Variants in CHD3 observed in about 807,000 individuals in gnomAD.
CHD3 encodes ATP-dependent chromatin remodeler CHD3.
Under a neutral mutation model 248.9 loss-of-function variants are expected in CHD3, and 52 were observed. That is an observed-to-expected ratio of 0.21 (90% CI 0.17 to 0.26). The LOEUF is 0.26. CHD3 is among the 10% of genes least tolerant of loss of function. The pLI, the probability that CHD3 is intolerant of heterozygous loss-of-function variation, is 1.00. For synonymous variants in CHD3, 985 were observed against 985.2 expected (o/e 1.00, Z 0.00); for missense variants, 1,482 against 2,605.8 (o/e 0.57, Z 9.39).
In CHD3 at chr17:7,894,942, C is replaced by T; in HGVS notation, c.1295C>T (p.Ala432Val). ...HCEKEGVQWEAKEEEEEYEEE... is the reference protein window; with the variant it reads ...HCEKEGVQWEVKEEEEEYEEE... ...GAGAAGGAGGGGGTCCAGTGGGAGG[C>T]CAAGGAGGAAGAAGAAGAATACGAA... Residue 432 changes from alanine to valine, a missense_variant, in exon 9 of 40, where the codon GCC becomes GTC. This residue lies in a region of CHD3 where 138 missense variants were observed against 241.1 expected (regional missense o/e 0.57). Transcript: ENST00000330494. 1 of 1,612,266 alleles carries T rather than the reference C, an allele frequency of 6.2e-7. No individual in the cohort carries two copies. The highest frequency in any genetic ancestry group is 8.5e-7 in the Non-Finnish European group (1 of 1,179,170).
At chr17:7,885,307 C>CCCGCCGCACCCCTCCCCCGCCG (rs1555603802), upstream of CHD3, 34 of 157,572 alleles carry the variant, frequency 2.2e-4, no homozygotes, top group Admixed American at 1.1e-3. Context: ...GCACCCCTCC[C>CCCGCCGCACCCCTCCCCCGCCG]CCGCCGCCGC....
intron 4 of CHD3, among the ~76,000 whole-genome samples, chr17:7,892,803 T>G (rs1372301203): frequency 3.3e-5 from 5 of 152,138 alleles, no homozygotes; most frequent in Admixed American, 2.6e-4. Flanking sequence ...CCTATTTCCC[T>G]TTTTTTAAAG....
Position 7,910,110 on chromosome 17 carries a change from G to A in CHD3, c.5591-318G>A, listed in dbSNP as rs534049500. On this transcript the variant is annotated intron_variant, in intron 37 of 39. Transcript: ENST00000330494. This position sits in a 1 kb window ranked among gnomAD's most constrained non-coding sequence, Gnocchi z 4.7. ...GTATGAGATGTTCTGACAACTCCCC[G>A]CCCCCATGTCTTCCAATGTCCCCCC... 13 of 202,470 alleles carry A rather than the reference G, an allele frequency of 6.4e-5. No homozygotes were observed. Among genetic ancestry groups the A allele is most frequent in the South Asian group, 4.6e-4 (5 of 10,960 alleles). The allele number at this position is 202,470 out of a possible 1,614,324, so 12.5% of individuals were successfully genotyped here.
rs938648226 is a variant in CHD3, at chr17:7,906,364, G to A, written c.4359-189G>A. On this transcript the variant is annotated intron_variant, in intron 28 of 39. Transcript: ENST00000330494. This position sits in a 1 kb window ranked among gnomAD's most constrained non-coding sequence, Gnocchi z 5.0. Reference sequence around the variant, plus strand: ...CAAGGCCAAAGGGAAAGACCCAGGGGTGGGGCGCAGGGGGACAGTTAGGAC... The same window carrying A: ...CAAGGCCAAAGGGAAAGACCCAGGGATGGGGCGCAGGGGGACAGTTAGGAC... The A allele has an allele frequency of 5.8e-6, 4 of 687,316 alleles. No homozygotes were observed. The highest frequency in any genetic ancestry group is 5.1e-6 in the Non-Finnish European group (2 of 391,506). The allele number at this position is 687,316 out of a possible 1,614,324, so 42.6% of individuals were successfully genotyped here.
In CHD3 at chr17:7,910,300, A is replaced by T; in HGVS notation, c.5591-128A>T. 1 of 1,115,496 alleles carries T rather than the reference A, an allele frequency of 9.0e-7. No homozygotes were observed. Among genetic ancestry groups the T allele is most frequent in the Non-Finnish European group, 1.4e-6 (1 of 735,978 alleles). 69.1% of individuals were successfully genotyped at this position (1,115,496 alleles called of 1,614,324 possible). On this transcript the variant is annotated intron_variant, in intron 37 of 39. Transcript: ENST00000330494. This position sits in a 1 kb window ranked among gnomAD's most constrained non-coding sequence, Gnocchi z 4.7. ...CTTTCTTGATCTCTGGTTCTTTGACATCTGTGTTCTCCTCTCTCGCTCTTT... is the reference window on the plus strand; with the variant it reads ...CTTTCTTGATCTCTGGTTCTTTGACTTCTGTGTTCTCCTCTCTCGCTCTTT...
chr17:7,899,461 A>C lies in CHD3; in HGVS notation c.2462A>C (p.Asp821Ala). The change falls in exon 15 of 40, where the codon GAC (aspartate) becomes GCC (alanine). Residue 821 changes from aspartate (D) to alanine (A), a missense_variant. By Grantham distance (126) the Asp-to-Ala change is moderately radical. Coordinates refer to ENST00000330494, the MANE Select transcript of CHD3 (RefSeq NM_001005273.3). This position sits in a 1 kb window ranked among gnomAD's most constrained non-coding sequence, Gnocchi z 6.8. ...FYVVTYTGDK[D>A]SRAIIRENEF... ...GTGGTGACATACACGGGTGACAAGG[A>C]CAGCCGGGCCATCATTCGTGAGAAT... 6.2e-7 allele frequency: 1 copy of C among 1,614,182 alleles called. No individual in the cohort carries two copies.
rs573463606 is a variant in CHD3, at chr17:7,905,254, AG to A, written c.4138+90del. The A allele has an allele frequency of 7.7e-5, 96 of 1,245,586 alleles. No individual in the cohort carries two copies. The highest frequency in any genetic ancestry group is 2.6e-4 in the Admixed American group (15 of 57,344). 77.2% of individuals were successfully genotyped at this position (1,245,586 alleles called of 1,614,324 possible). On this transcript the variant is annotated intron_variant, in intron 26 of 39. Coordinates refer to ENST00000330494, the MANE Select transcript of CHD3 (RefSeq NM_001005273.3). This position sits in a 1 kb window ranked among gnomAD's most constrained non-coding sequence, Gnocchi z 5.8. ...CCCACTGTTTTTATACAAGTAAAAA[AG>A]TCTTCGTGTGTGTGTGGAAAAACTC...
chr17:7,896,847 C>T (rs768832038), intron 10 of CHD3, among the ~76,000 whole-genome samples: 2 of 152,098 alleles, frequency 1.3e-5, no homozygotes, highest in East Asian at 1.9e-4. Flanking sequence ...TTAGTAGAGA[C>T]GGGGTTTCGC....
At chr17:7,901,514 T>TG in intron 20 of CHD3, 139 bp downstream of exon 20, 1 of 782,950 alleles carries the variant, frequency 1.3e-6, no homozygotes, top group African/African-American at 1.8e-5. Context: ...GTTTTTTTTT[T>TG]TTTTTTTTTT....
chr17:7,890,033 C>T (rs780326109), intron 2 of CHD3, among the ~76,000 whole-genome samples: 17 of 151,648 alleles, frequency 1.1e-4, no homozygotes, highest in South Asian at 4.2e-4. Flanking sequence ...CAGTTGAAAG[C>T]ACAAGCTCTG....
In CHD3 at chr17:7,899,001, G is replaced by A; in HGVS notation, c.2152-10G>A. The A allele has an allele frequency of 1.2e-6, 2 of 1,613,222 alleles. No homozygotes were observed. The highest frequency in any genetic ancestry group is 1.7e-6 in the Non-Finnish European group (2 of 1,179,510). ...ATTTCCTTGAGCTTTCTGACTTCTT[G>A]TCTCTATAGCCTACCGTGAAATATG... is the stretch of plus-strand genomic sequence containing the variant. On this transcript the variant is annotated splice_polypyrimidine_tract_variant and intron_variant, in intron 13 of 39. Transcript: ENST00000330494. The surrounding 1 kb of genome is among the most constrained non-coding windows in gnomAD (Gnocchi z 6.8).
Position 7,906,010 on chromosome 17 carries a change from G to A in CHD3, c.4358+21G>A. 6.2e-7 allele frequency: 1 copy of A among 1,612,940 alleles called. No individual in the cohort carries two copies. The highest frequency in any genetic ancestry group is 8.5e-7 in the Non-Finnish European group (1 of 1,179,238). The stretch of plus-strand genomic sequence containing the variant: ...TTTAAGTGAGTGTGGGTGATACAGG[G>A]CTGAGTTGGACGCAAGGGGAAGAGC... On this transcript the variant is annotated intron_variant, in intron 28 of 39. Coordinates refer to ENST00000330494, the MANE Select transcript of CHD3 (RefSeq NM_001005273.3). The surrounding 1 kb of genome is among the most constrained non-coding windows in gnomAD (Gnocchi z 5.0).
chr17:7,893,970 G>C (rs747304332), intron 6 of CHD3, 35 bp downstream of exon 6: 5 of 1,574,024 alleles, frequency 3.2e-6, no homozygotes, highest in Non-Finnish European at 4.3e-6. Flanking sequence ...AAACACCTGG[G>C]GGCCAAGGAT....
Position 7,906,951 on chromosome 17 carries a change from C to T in CHD3, c.4586C>T (p.Ser1529Phe), listed in dbSNP as rs1425154829. ...CCCAGCGCCGATTCTAAGCGCTCCT[C>T]CAGAGCCTCCTCTCCTACCAAAACG... is the stretch of plus-strand genomic sequence containing the variant. Reference protein sequence around the residue: ...PDPSADSKRSSRASSPTKTSP... With the variant: ...PDPSADSKRSFRASSPTKTSP... The change falls in exon 30 of 40, where the codon TCC becomes TTC. Residue 1529 changes from serine to phenylalanine, a missense_variant. Coordinates refer to ENST00000330494, the MANE Select transcript of CHD3 (RefSeq NM_001005273.3). The surrounding 1 kb of genome is among the most constrained non-coding windows in gnomAD (Gnocchi z 5.0). 3 of 1,614,044 alleles carry T rather than the reference C, an allele frequency of 1.9e-6. No homozygotes were observed. In the Admixed American group the frequency reaches 5.0e-5, roughly 27 times the overall value.
chr17:7,898,386 A>G lies in CHD3; in HGVS notation c.2052-110A>G, dbSNP rs558647621. 1.6e-5 allele frequency: 14 copies of G among 873,756 alleles called. No individual in the cohort carries two copies. In the African/African-American group the frequency reaches 2.4e-4, roughly 15 times the overall value. 54.1% of individuals were successfully genotyped at this position (873,756 alleles called of 1,614,324 possible). ...GTAAAGAGCCTGGGAAAAAGGAAAT[A>G]TGGGAAAATCTAGGTCATGGACAGT... is the stretch of plus-strand genomic sequence containing the variant. On this transcript the variant is annotated intron_variant, in intron 12 of 39. Transcript: ENST00000330494.
rs996661018 is a variant in CHD3 at position 7,893,933 on chromosome 17, T to C, written c.922T>C (p.Ser308Pro). 2.0e-6 allele frequency: 3 copies of C among 1,502,044 alleles called. No individual in the cohort carries two copies. In the South Asian group the frequency reaches 3.6e-5, roughly 18 times the overall value. 93.0% of individuals were successfully genotyped at this position (1,502,044 alleles called of 1,614,324 possible). A position where few individuals can be genotyped will look rare whatever the true frequency, so the allele number is the denominator to read the frequency against. ...LLGGKRKKGG[S>P]YVFQSDEGPE... ...GGGTGGCAAGAGGAAGAAAGGAGGCTCGGTGAGTGACCCGTCCCTGTCTAC... is the reference window on the plus strand; with the variant it reads ...GGGTGGCAAGAGGAAGAAAGGAGGCCCGGTGAGTGACCCGTCCCTGTCTAC... The change falls in exon 6 of 40, where the codon TCG becomes CCG. Residue 308 changes from serine (S) to proline (P), a missense_variant and splice_region_variant. Ser to Pro is a moderately conservative substitution (Grantham distance 74). This residue lies in a region of CHD3 where 149 missense variants were observed against 182.6 expected (regional missense o/e 0.82). Coordinates refer to ENST00000330494, the MANE Select transcript of CHD3 (RefSeq NM_001005273.3).
chr17:7,895,089 A>G lies in CHD3; in HGVS notation c.1442A>G (p.His481Arg). Reference protein sequence around the residue: ...CDACISSYHIHCLNPPLPDIP... With the variant: ...CDACISSYHIRCLNPPLPDIP... ...GCGTGCATCTCCTCCTACCACATTC[A>G]TTGTCTAAACCCTCCCCTGCCTGAC... The change falls in exon 9 of 40, where the codon CAT (histidine) becomes CGT (arginine). Residue 481 changes from histidine to arginine, a missense_variant. This residue lies in a region of CHD3 where 138 missense variants were observed against 241.1 expected (regional missense o/e 0.57). Coordinates refer to ENST00000330494, the MANE Select transcript of CHD3 (RefSeq NM_001005273.3). This position sits in a 1 kb window ranked among gnomAD's most constrained non-coding sequence, Gnocchi z 4.9. 2 of 1,614,036 alleles carry G rather than the reference A, an allele frequency of 1.2e-6. No homozygotes were observed. Among genetic ancestry groups the G allele is most frequent in the Non-Finnish European group, 1.7e-6 (2 of 1,179,994 alleles).
Position 7,911,685 on chromosome 17 carries a change from T to TA in CHD3, c.*100_*101insA. 6.3e-7 allele frequency: 1 copy of TA among 1,591,234 alleles called. No individual in the cohort carries two copies. On this transcript the variant is annotated 3_prime_UTR_variant, in exon 40 of 40. Coordinates refer to ENST00000330494, the MANE Select transcript of CHD3 (RefSeq NM_001005273.3). The surrounding 1 kb of genome is among the most constrained non-coding windows in gnomAD (Gnocchi z 5.4). ...GCCAGCCCTCCACCTTCCCCACCCC[T>TA]TGGGCCATCACTGGGCTAGGAACCC... is the stretch of plus-strand genomic sequence containing the variant.
chr17:7,905,143 A>G lies in CHD3; in HGVS notation c.4116A>G (p.Glu1372=). 6.2e-7 allele frequency: 1 copy of G among 1,614,154 alleles called. No homozygotes were observed. The highest frequency in any genetic ancestry group is 8.5e-7 in the Non-Finnish European group (1 of 1,179,990). ...CGGTGGGTTCAGAGGAGGAGGATGA[A>G]GACTTCGATGAACGTCCTGAAGGTG... The part of the protein sequence containing the change: ...EYSVGSEEED[E]DFDERPEGRR... Residue 1372 remains glutamate, a synonymous_variant, in exon 26 of 40, where the codon GAA becomes GAG. Transcript: ENST00000330494. This position sits in a 1 kb window ranked among gnomAD's most constrained non-coding sequence, Gnocchi z 5.8.
Sources: allele counts gnomAD v4.1 joint callset (sites outside exome capture counted in the v4.1 genomes callset), GRCh38; gene constraint gnomAD v4.1.1; regional missense constraint gnomAD v4.1.1; non-coding constraint Gnocchi (gnomAD v3.1); transcripts MANE v1.5; gene names NCBI Gene and HGNC (gene_info 2026-07-23, HGNC 2026-07-21).